Variants in ADAMTS9 observed in about 807,000 individuals in gnomAD.
ADAMTS9 encodes A disintegrin and metalloproteinase with thrombospondin motifs 9.
ADAMTS9 carries 107 observed loss-of-function variants against 257.1 expected under a neutral mutation model. The ratio of observed to expected loss-of-function variants is 0.42; its 90% CI spans 0.36 to 0.49. The LOEUF (loss-of-function observed/expected upper bound fraction) is 0.49. Ranked by LOEUF, ADAMTS9 falls within the 20% of genes least tolerant of loss-of-function variation. ADAMTS9 has a pLI of 0.03. For missense variants in ADAMTS9, 2,353 were observed against 2,469.1 expected (o/e 0.95, Z 1.00); for synonymous variants, 982 against 880.9 (o/e 1.11, Z -2.03).
intron 37 of ADAMTS9, among the ~76,000 whole-genome samples, chr3:64,536,497 G>C (rs1380511854): frequency 6.6e-6 from 1 of 152,188 alleles, no homozygotes; most frequent in African/African-American, 2.4e-5. Flanking sequence ...CCTGTTTTCT[G>C]TTGTACAGGA....
In ADAMTS9 at chr3:64,568,423, T is replaced by C; in HGVS notation, c.4469A>G (p.His1490Arg). ...GCATCTTCCTCCTCGGCACTTTCTG[T>C]GCCCATGTGGCTTAGCCAGGTGCTT... ...YCKHLAKPHG[H>R]RKCRGGRCPK... The change falls in exon 29 of 40, where the codon CAC becomes CGC. Residue 1490 changes from histidine (H) to arginine (R), a missense_variant. Physicochemically the swap from His to Arg is conservative, Grantham distance 29. This residue lies in a region of ADAMTS9 where 1,402 missense variants were observed against 1,441.4 expected (regional missense o/e 0.97). Transcript: ENST00000498707. The C allele has an allele frequency of 1.2e-6, 2 of 1,613,764 alleles. No homozygotes were observed. Among genetic ancestry groups the C allele is most frequent in the Non-Finnish European group, 1.7e-6 (2 of 1,179,920 alleles).
At chr3:64,589,312 G>C (rs960962324) in intron 28 of ADAMTS9, 35 of 152,262 alleles carry the variant, frequency 2.3e-4, no homozygotes, top group African/African-American at 7.9e-4. Context: ...ATAATGTTGA[G>C]GCTAAATGAA....
At chr3:64,591,843 A>G (rs929663833) in intron 28 of ADAMTS9, among the ~76,000 whole-genome samples, 2 of 152,172 alleles carry the variant, frequency 1.3e-5, no homozygotes, top group Non-Finnish European at 2.9e-5. Context: ...ATTAATTGCT[A>G]CCCTTGGTCC....
At chr3:64,605,883 A>G (rs996917709) in intron 23 of ADAMTS9, among the ~76,000 whole-genome samples, 1 of 152,260 alleles carries the variant, frequency 6.6e-6, no homozygotes, top group African/African-American at 2.4e-5. Flanking sequence ...TTGAAATAAC[A>G]ATAAAATATA....
At chr3:64,609,184 TA>T (rs1486979696) in intron 22 of ADAMTS9, among the ~76,000 whole-genome samples, 1 of 151,494 alleles carries the variant, frequency 6.6e-6, no homozygotes, top group Non-Finnish European at 1.5e-5. Flanking sequence ...AGTAGAAGAG[TA>T]AAAACTTTTC....
intron 30 of ADAMTS9, among the ~76,000 whole-genome samples, chr3:64,554,024 T>C (rs1003843873): frequency 4.6e-5 from 7 of 152,198 alleles, no homozygotes; most frequent in Non-Finnish European, 8.8e-5. Flanking sequence ...GAAAAAGTAA[T>C]TCCTTAGAAA....
intron 28 of ADAMTS9, among the ~76,000 whole-genome samples, chr3:64,593,123 C>A (rs2084293570): frequency 6.6e-6 from 1 of 152,066 alleles, no homozygotes; most frequent in Non-Finnish European, 1.5e-5. Flanking sequence ...GAAGAAAATA[C>A]TTAACAGTCC....
chr3:64,603,080 G>C (rs1274703797), intron 25 of ADAMTS9, among the ~76,000 whole-genome samples: 1 of 152,138 alleles, frequency 6.6e-6, no homozygotes, highest in South Asian at 2.1e-4. Context: ...AGTACTTTCT[G>C]CTAAGCATTT....
At chr3:64,555,631 C>T (rs1257882163) in intron 30 of ADAMTS9, among the ~76,000 whole-genome samples, 1 of 152,100 alleles carries the variant, frequency 6.6e-6, no homozygotes, top group Non-Finnish European at 1.5e-5. Context: ...GAGTAAGAAG[C>T]CACCAGGGAG....
At chr3:64,557,767 G>A (rs190944378) in intron 30 of ADAMTS9, among the ~76,000 whole-genome samples, 1 of 152,314 alleles carries the variant, frequency 6.6e-6, no homozygotes, top group Admixed American at 6.5e-5. Context: ...GAAATTCAGA[G>A]TCAACTTTTC....
intron 30 of ADAMTS9, among the ~76,000 whole-genome samples, chr3:64,559,041 G>C (rs1029308553): frequency 1.3e-5 from 2 of 152,206 alleles, no homozygotes; most frequent in African/African-American, 4.8e-5. Flanking sequence ...AGCCTGAAGG[G>C]TTCTGTCTTA....
chr3:64,594,860 C>T (rs2084334424), intron 27 of ADAMTS9, among the ~76,000 whole-genome samples: 1 of 152,090 alleles, frequency 6.6e-6, no homozygotes, highest in Non-Finnish European at 1.5e-5. Flanking sequence ...GATCTCGGCT[C>T]ACTGCAACCT....
Position 64,602,060 on chromosome 3 carries a change from C to T in ADAMTS9, c.3901G>A (p.Asp1301Asn). The T allele has an allele frequency of 6.8e-6, 11 of 1,614,052 alleles. No homozygotes were observed. Among genetic ancestry groups the T allele is most frequent in the African/African-American group, 2.7e-5 (2 of 75,012 alleles). ...SMSPCPQRTP[D>N]SGLAQHPFQN... ...AAGGGGTGCTGAGCTAAGCCACTGT[C>T]TGGGGTCCTTTGAGGGCATGGTGAC... Residue 1301 changes from aspartate to asparagine, a missense_variant, in exon 26 of 40, where the codon GAC becomes AAC. By Grantham distance (23) the Asp-to-Asn change is conservative. Transcript: ENST00000498707.
At chr3:64,539,737 G>A (rs762215258) in intron 36 of ADAMTS9, among the ~76,000 whole-genome samples, 4 of 152,230 alleles carry the variant, frequency 2.6e-5, no homozygotes, top group Non-Finnish European at 4.4e-5. Context: ...GCGATTCCCT[G>A]AGGTTTCCTC....
chr3:64,534,932 A>C (rs1559750937), intron 37 of ADAMTS9, among the ~76,000 whole-genome samples: 1 of 152,144 alleles, frequency 6.6e-6, no homozygotes, highest in East Asian at 1.9e-4. Context: ...TTACCCTAGA[A>C]TCTTGCTCCC....
At chr3:64,535,070 T>A (rs1328698507) in intron 37 of ADAMTS9, among the ~76,000 whole-genome samples, 1 of 152,104 alleles carries the variant, frequency 6.6e-6, no homozygotes, top group South Asian at 2.1e-4. Flanking sequence ...TGGCAGACAG[T>A]AGGTAATATT....
intron 28 of ADAMTS9, among the ~76,000 whole-genome samples, chr3:64,577,422 G>A (rs886621317): frequency 6.6e-6 from 1 of 152,162 alleles, no homozygotes; most frequent in African/African-American, 2.4e-5. Flanking sequence ...TCAAGAAAGA[G>A]GCGAAGATAA....
intron 29 of ADAMTS9, among the ~76,000 whole-genome samples, chr3:64,567,579 A>G (rs2083575179): frequency 6.6e-6 from 1 of 152,182 alleles, no homozygotes; most frequent in African/African-American, 2.4e-5. Context: ...GAGATTAAAC[A>G]GAAGCTTCTA....
chr3:64,655,695 A>C lies in ADAMTS9; in HGVS notation c.1054-4T>G. On this transcript the variant is annotated splice_region_variant and splice_polypyrimidine_tract_variant and intron_variant, in intron 5 of 39. Coordinates refer to ENST00000498707, the MANE Select transcript of ADAMTS9 (RefSeq NM_182920.2). Reference sequence around the variant, plus strand: ...TAAAAGATATGGAAGGCCCATCCTAAATACAGAGAAGAATTATGGTTAATC... The same window carrying C: ...TAAAAGATATGGAAGGCCCATCCTACATACAGAGAAGAATTATGGTTAATC... 6.2e-7 allele frequency: 1 copy of C among 1,611,952 alleles called. No homozygotes were observed. The highest frequency in any genetic ancestry group is 8.5e-7 in the Non-Finnish European group (1 of 1,177,994).
Sources: gnomAD v4.1 joint callset for allele counts (sites outside exome capture counted in the v4.1 genomes callset) on GRCh38, gnomAD v4.1.1 for gene constraint, gnomAD v4.1.1 regional missense constraint, MANE v1.5 for transcripts, NCBI Gene and HGNC (gene_info 2026-07-23, HGNC 2026-07-21) for gene names.